The following OR2L13 variants were observed in gnomAD, a reference collection of about 807,000 sequenced individuals.
OR2L13 encodes olfactory receptor 2L13.
OR2L13 carries 14 observed loss-of-function variants against 15.3 expected under a neutral mutation model. The observed-to-expected ratio is 0.91, with a 90% CI of 0.60 to 1.43. OR2L13 has a LOEUF of 1.43. Ranked by LOEUF, OR2L13 falls within the 40% of genes most tolerant of loss-of-function variation. The pLI, the probability that OR2L13 is intolerant of heterozygous loss-of-function variation, is 0.00. For missense variants in OR2L13, 367 were observed against 387.9 expected (o/e 0.95, Z 0.45); for synonymous variants, 152 against 142.9 (o/e 1.06, Z -0.45).
chr1:248,051,711 G>A, the OR2L13 span, among the ~76,000 whole-genome samples: 603 of 152,110 alleles, frequency 4.0e-3, 7 homozygotes, highest in African/African-American at 0.013. Context: ...AACAAACCAC[G>A]ATTGTACTCC....
chr1:247,974,469 C>T, the OR2L13 span, among the ~76,000 whole-genome samples: 1 of 151,774 alleles, frequency 6.6e-6, no homozygotes, highest in African/African-American at 2.4e-5. Flanking sequence ...AAAAAGAGAC[C>T]ACATTTACAT....
chr1:248,063,831 A>G, the OR2L13 span, among the ~76,000 whole-genome samples: 2 of 152,042 alleles, frequency 1.3e-5, no homozygotes, highest in Admixed American at 6.6e-5. Context: ...CATGCCTGAG[A>G]AGGCCAGGCA....
the OR2L13 span, chr1:247,949,806 C>G: frequency 1.2e-6 from 2 of 1,600,228 alleles, no homozygotes; most frequent in Non-Finnish European, 1.7e-6. Flanking sequence ...GAAACACTTT[C>G]TGCCTAAGGT....
the OR2L13 span, among the ~76,000 whole-genome samples, chr1:247,942,954 G>A: frequency 5.3e-5 from 8 of 151,296 alleles, no homozygotes; most frequent in African/African-American, 1.7e-4. Context: ...TGGGTACTTC[G>A]TGTAGGCGAA....
At chr1:248,068,213 C>G in the OR2L13 span, among the ~76,000 whole-genome samples, 1 of 152,166 alleles carries the variant, frequency 6.6e-6, no homozygotes, top group Non-Finnish European at 1.5e-5. Flanking sequence ...TCCCTGACCC[C>G]TGACCCCTGA....
the OR2L13 span, chr1:248,023,479 T>G: frequency 6.6e-6 from 1 of 152,200 alleles, no homozygotes; most frequent in Non-Finnish European, 1.5e-5. Context: ...TGACTTAGAC[T>G]TAGTTGAATG....
At chr1:248,079,355 TTTAAG>T in the OR2L13 span, among the ~76,000 whole-genome samples, 1 of 152,186 alleles carries the variant, frequency 6.6e-6, no homozygotes, top group East Asian at 1.9e-4. Context: ...AAAAGTTATC[TTTAAG>T]TTATGATTTT....
At chr1:248,093,792 A>G (rs1171039860), upstream of OR2L13, among the ~76,000 whole-genome samples, 3 of 152,104 alleles carry the variant, frequency 2.0e-5, no homozygotes, top group Admixed American at 6.6e-5. Context: ...AATTTTCATT[A>G]TCCATTATAT....
the OR2L13 span, among the ~76,000 whole-genome samples, chr1:247,994,349 A>C: frequency 3.9e-5 from 6 of 152,150 alleles, no homozygotes; most frequent in African/African-American, 7.2e-5. Context: ...GTGAGCTGAT[A>C]TCGCTCCACT....
chr1:247,956,684 G>C, the OR2L13 span, among the ~76,000 whole-genome samples: 1 of 151,698 alleles, frequency 6.6e-6, no homozygotes, highest in East Asian at 1.9e-4. Context: ...GGATTCCTAA[G>C]TATTTTATTC....
chr1:248,025,340 A>G, the OR2L13 span, among the ~76,000 whole-genome samples: 2 of 147,418 alleles, frequency 1.4e-5, no homozygotes, highest in Admixed American at 6.6e-5. Flanking sequence ...CAAAAAACAC[A>G]TGAAAAAATG....
chr1:248,049,617 T>TA, the OR2L13 span, among the ~76,000 whole-genome samples: 7 of 152,214 alleles, frequency 4.6e-5, no homozygotes, highest in Admixed American at 4.6e-4. Context: ...AACTGGGTGA[T>TA]ACGAGGAAAC....
chr1:248,042,079 A>C, the OR2L13 span: 1 of 152,100 alleles, frequency 6.6e-6, no homozygotes, highest in Admixed American at 6.5e-5. Flanking sequence ...GGCACTATTC[A>C]CAATAGCAAA....
chr1:248,081,606 A>T, the OR2L13 span, among the ~76,000 whole-genome samples: 1 of 152,144 alleles, frequency 6.6e-6, no homozygotes, highest in African/African-American at 2.4e-5. Flanking sequence ...CTAAGAGAAG[A>T]TTTTTTAGAT....
the OR2L13 span, among the ~76,000 whole-genome samples, chr1:247,940,046 C>T: frequency 6.6e-6 from 1 of 152,160 alleles, no homozygotes; most frequent in African/African-American, 2.4e-5. Flanking sequence ...CAAAAATCTA[C>T]AACTCCACTT....
At chr1:248,031,684 C>T in the OR2L13 span, among the ~76,000 whole-genome samples, 3 of 152,186 alleles carry the variant, frequency 2.0e-5, no homozygotes, top group South Asian at 6.2e-4. Context: ...TTCAAGGTTC[C>T]TTCTCTAGAA....
chr1:248,002,146 C>T, the OR2L13 span, among the ~76,000 whole-genome samples: 1 of 151,654 alleles, frequency 6.6e-6, no homozygotes, highest in African/African-American at 2.4e-5. Context: ...TCATAAAATA[C>T]CTGAAAATAA....
At chr1:248,058,993 T>A in the OR2L13 span, among the ~76,000 whole-genome samples, 1 of 152,182 alleles carries the variant, frequency 6.6e-6, no homozygotes, top group Non-Finnish European at 1.5e-5. Flanking sequence ...ACCTGTTGCA[T>A]CCTTTCAGAT....
At chr1:247,995,383 T>C in the OR2L13 span, among the ~76,000 whole-genome samples, 2 of 152,310 alleles carry the variant, frequency 1.3e-5, no homozygotes, top group East Asian at 3.9e-4. Flanking sequence ...GCTCTTTTCC[T>C]CTTCACATGC....
Sources: allele counts gnomAD v4.1 joint callset (sites outside exome capture counted in the v4.1 genomes callset), GRCh38; gene constraint gnomAD v4.1.1; transcripts MANE v1.5; gene names NCBI Gene and HGNC (gene_info 2026-07-23, HGNC 2026-07-21).